Variants in STK10 observed in about 807,000 individuals in gnomAD.
The protein encoded by STK10 is serine/threonine kinase 10.
In STK10, 78 loss-of-function variants were observed where a neutral mutation model predicts 113.8. The ratio of observed to expected loss-of-function variants is 0.69; its 90% CI spans 0.57 to 0.83. The LOEUF is 0.83. Among genes scored for constraint, STK10 ranks in the 40% least tolerant of loss-of-function variants. The pLI, the probability that STK10 is intolerant of heterozygous loss-of-function variation, is 0.00. For synonymous variants in STK10, 465 were observed against 494.7 expected, an observed-to-expected ratio of 0.94 and a Z score of 0.80; for missense variants, 1,109 against 1,280.1, an observed-to-expected ratio of 0.87 and a Z score of 2.04.
intron 1 of STK10, among the ~76,000 whole-genome samples, chr5:172,158,628 A>G (rs928743701): frequency 2.0e-5 from 3 of 152,306 alleles, no homozygotes; most frequent in African/African-American, 7.2e-5. Context: ...CTCCATCTCA[A>G]AACAAACAAA....
chr5:172,163,971 G>A (rs557051117), intron 1 of STK10, among the ~76,000 whole-genome samples: 78 of 152,160 alleles, frequency 5.1e-4, no homozygotes, highest in African/African-American at 1.8e-3. Flanking sequence ...CAGCACTTTG[G>A]GAAGCCTAGG....
intron 14 of STK10, among the ~76,000 whole-genome samples, chr5:172,059,349 T>C (rs893707408): frequency 7.0e-6 from 1 of 142,840 alleles, no homozygotes; most frequent in African/African-American, 2.6e-5. Flanking sequence ...TGCTTGAACC[T>C]GGGAGGTGGA....
At chr5:172,054,340 C>A (rs946467008) in intron 17 of STK10, among the ~76,000 whole-genome samples, 11 of 152,222 alleles carry the variant, frequency 7.2e-5, no homozygotes, top group Admixed American at 2.0e-4. Flanking sequence ...CAGGAATGGT[C>A]ATCCCCATGC....
chr5:172,149,518 G>C lies in STK10; in HGVS notation c.321+7106C>G, dbSNP rs796809065. ...CTCGTGTGTGTGTGTGTGTGTGTGT[G>C]TGTCTGTGTGTGTGTGTGTGTGTGT... On this transcript the variant is annotated intron_variant, in intron 2 of 18. Transcript: ENST00000176763. Among the ~76,000 whole-genome samples, 620 of 146,394 alleles carry C rather than the reference G, an allele frequency of 4.2e-3. 2 individuals carry two copies. The highest frequency in any genetic ancestry group is 0.014 in the African/African-American group (538 of 37,784).
At chr5:172,123,894 T>C (rs1208165959) in intron 3 of STK10, among the ~76,000 whole-genome samples, 1 of 151,800 alleles carries the variant, frequency 6.6e-6, no homozygotes, top group Non-Finnish European at 1.5e-5. Context: ...GGGCCAAGAG[T>C]TGGAGAAAGA....
At chr5:172,056,960 A>G (rs1443365655) in intron 15 of STK10, 11 of 92,816 alleles carry the variant, frequency 1.2e-4, no homozygotes, top group African/African-American at 5.8e-4. Context: ...AGAAGGAAAG[A>G]AAGAAAGAAA....
chr5:172,083,158 A>C, intron 10 of STK10, 74 bp from the exon 11 acceptor site: 1 of 1,599,380 alleles, frequency 6.3e-7, no homozygotes, highest in Non-Finnish European at 8.5e-7. Context: ...GCAACTTGGA[A>C]CACTGAAGGT....
chr5:172,145,873 C>T (rs1229132681), intron 2 of STK10, among the ~76,000 whole-genome samples: 1 of 152,172 alleles, frequency 6.6e-6, no homozygotes, highest in Non-Finnish European at 1.5e-5. Context: ...CATGCTGTGT[C>T]CGTGCTGTGT....
In STK10 at chr5:172,185,813, C is replaced by T. The variant is rs143030072; in HGVS notation, c.156+2074G>A. 3.1e-3 allele frequency among the ~76,000 whole-genome samples: 465 copies of T among 152,330 alleles called. 5 individuals carry two copies. Among genetic ancestry groups the T allele is most frequent in the African/African-American group, 1.0e-2 (414 of 41,574 alleles). ...AGCTCTGAGGAGAGTAAAGAAAAGA[C>T]GTGCTGAGGACAGGGTGAGCTGGCT... On this transcript the variant is annotated intron_variant, in intron 1 of 18. Coordinates refer to ENST00000176763, the MANE Select transcript of STK10 (RefSeq NM_005990.4).
At position 172,093,340 on chromosome 5, in the gene STK10, A is replaced by G; in HGVS notation, c.1554+72T>C. ...GCAAGGAAGCCCCTAAATGCTTTTGAAACCAAAATGGAGCCACAGAACATC... is the reference window on the plus strand; with the variant it reads ...GCAAGGAAGCCCCTAAATGCTTTTGGAACCAAAATGGAGCCACAGAACATC... On this transcript the variant is annotated intron_variant, in intron 9 of 18. Coordinates refer to ENST00000176763, the MANE Select transcript of STK10 (RefSeq NM_005990.4). The surrounding 1 kb of genome is among the most constrained non-coding windows in gnomAD (Gnocchi z 4.1). The G allele has an allele frequency of 6.7e-7, 1 of 1,501,314 alleles. No homozygotes were observed. The highest frequency in any genetic ancestry group is 1.3e-5 in the South Asian group (1 of 74,350). 93.0% of individuals were successfully genotyped at this position (1,501,314 alleles called of 1,614,324 possible).
At chr5:172,085,754 C>A (rs1323567747) in intron 10 of STK10, among the ~76,000 whole-genome samples, 3 of 151,642 alleles carry the variant, frequency 2.0e-5, no homozygotes. Context: ...AAAGAAAAAA[C>A]CAAACTACTA....
At chr5:172,181,189 G>A (rs1770848714) in intron 1 of STK10, among the ~76,000 whole-genome samples, 1 of 152,178 alleles carries the variant, frequency 6.6e-6, no homozygotes, top group Non-Finnish European at 1.5e-5. Flanking sequence ...CACCCATGTG[G>A]TGCATCTTTT....
At chr5:172,066,803 G>C (rs1768083661) in intron 12 of STK10, among the ~76,000 whole-genome samples, 1 of 152,158 alleles carries the variant, frequency 6.6e-6, no homozygotes, top group Admixed American at 6.5e-5. Context: ...AAAGAGAAGA[G>C]CGCAGGAAAA....
chr5:172,064,830 G>T lies in STK10; in HGVS notation c.1990-18C>A, dbSNP rs369078920. The T allele has an allele frequency of 1.7e-5, 27 of 1,613,526 alleles. No individual in the cohort carries two copies. Among genetic ancestry groups the T allele is most frequent in the Non-Finnish European group, 2.3e-5 (27 of 1,179,848 alleles). On this transcript the variant is annotated intron_variant, in intron 12 of 18. Transcript: ENST00000176763. ...TTCTTCACCTGCAGCAGAGACAGCA[G>T]AGAGTAGCTGGGTCAGGGTCCTCTC...
chr5:172,137,318 T>C (rs1561821366), intron 2 of STK10, among the ~76,000 whole-genome samples: 1 of 152,110 alleles, frequency 6.6e-6, no homozygotes, highest in Non-Finnish European at 1.5e-5. Context: ...AACAAAATAC[T>C]TGCGAATCAT....
chr5:172,098,011 G>A (rs1768898039), intron 7 of STK10, among the ~76,000 whole-genome samples: 1 of 152,144 alleles, frequency 6.6e-6, no homozygotes, highest in African/African-American at 2.4e-5. Context: ...TGATGGGGTG[G>A]GGTGGGAGGC....
At chr5:172,136,541 G>C (rs560901094) in intron 2 of STK10, among the ~76,000 whole-genome samples, 6 of 152,196 alleles carry the variant, frequency 3.9e-5, no homozygotes, top group Non-Finnish European at 1.5e-5. Context: ...AGCTTGCAGT[G>C]AGCCAAGATC....
chr5:172,107,135 G>T (rs1360523064), intron 5 of STK10: 31 of 289,928 alleles, frequency 1.1e-4, no homozygotes, highest in Admixed American at 7.2e-4. Flanking sequence ...GGGGCGTGGA[G>T]GTGGGTGGGC....
chr5:172,049,834 A>G lies in STK10; in HGVS notation c.2766+3095T>C, dbSNP rs1356812686. Among the ~76,000 whole-genome samples the G allele has an allele frequency of 3.9e-5, 6 of 151,936 alleles. 1 individual carries two copies. The highest frequency in any genetic ancestry group is 3.9e-4 in the Admixed American group (6 of 15,270). On this transcript the variant is annotated intron_variant, in intron 18 of 18. Transcript: ENST00000176763. Reference sequence around the variant, plus strand: ...TTTTTATTTTTTGAGATGGAGTTTCACTCTTTCGCCCAGGCTGGAGTGAAG... The same window carrying G: ...TTTTTATTTTTTGAGATGGAGTTTCGCTCTTTCGCCCAGGCTGGAGTGAAG...
Sources: allele counts gnomAD v4.1 joint callset (sites outside exome capture counted in the v4.1 genomes callset), GRCh38; gene constraint gnomAD v4.1.1; non-coding constraint Gnocchi (gnomAD v3.1); transcripts MANE v1.5; gene names NCBI Gene and HGNC (gene_info 2026-07-23, HGNC 2026-07-21).